ZNF331: variants seen among roughly 807,000 people sequenced by gnomAD.
ZNF331 encodes C2H2-like zinc finger protein rearranged in thyroid adenomas.
A neutral mutation model predicts 7.0 loss-of-function variants in ZNF331; 2 were observed. That is an observed-to-expected ratio of 0.29 (90% confidence interval 0.12 to 0.90). The LOEUF is 0.90. Among genes scored for constraint, ZNF331 ranks in the 40% least tolerant of loss-of-function variants. ZNF331 has a pLI of 0.58. For missense variants in ZNF331, 432 were observed against 587.7 expected (o/e 0.74, Z 2.74); for synonymous variants, 196 against 205.4 (o/e 0.95, Z 0.39).
At chr19:53,566,838 T>G (rs1415555702) in intron 3 of ZNF331, among the ~76,000 whole-genome samples, 1 of 151,970 alleles carries the variant, frequency 6.6e-6, no homozygotes, top group Non-Finnish European at 1.5e-5. Flanking sequence ...TTTCTGTTTC[T>G]CTGTTTTTAT....
intron 2 of ZNF331, among the ~76,000 whole-genome samples, chr19:53,551,059 C>T (rs2088974774): frequency 6.6e-6 from 1 of 150,536 alleles, no homozygotes; most frequent in South Asian, 2.1e-4. Flanking sequence ...TGTCGAACTC[C>T]TGACTTCGTG....
chr19:53,510,205 A>G, the ZNF331 span, among the ~76,000 whole-genome samples: 3 of 152,178 alleles, frequency 2.0e-5, no homozygotes, highest in East Asian at 1.9e-4. Context: ...AACACTTACA[A>G]TAGTCACTTG....
Position 53,573,695 on chromosome 19 carries a change from C to G in ZNF331, c.136+1965C>G, listed in dbSNP as rs1321179781. ...TGTTGTCCAAGCTGATCTTGAACTC[C>G]TGGGCTAAAGGAATCCACCCACCTC... On this transcript the variant is annotated intron_variant, in intron 5 of 5. Transcript: ENST00000449416. This position sits in a 1 kb window ranked among gnomAD's most constrained non-coding sequence, Gnocchi z 4.2. 6.6e-6 allele frequency among the ~76,000 whole-genome samples: 1 copy of G among 152,078 alleles called. No individual in the cohort carries two copies. Among genetic ancestry groups the G allele is most frequent in the East Asian group, 1.9e-4 (1 of 5,184 alleles).
chr19:53,535,537 C>G (rs1459688890), upstream of ZNF331, among the ~76,000 whole-genome samples: 3 of 152,164 alleles, frequency 2.0e-5, no homozygotes, highest in African/African-American at 7.2e-5. Context: ...GGCAAAAACT[C>G]TCCAAATCAT....
intron 3 of ZNF331, among the ~76,000 whole-genome samples, chr19:53,559,093 TATAG>T (rs771124083): frequency 7.0e-6 from 1 of 142,390 alleles, no homozygotes. Flanking sequence ...CACACCTACA[TATAG>T]AGACACATAT....
At chr19:53,544,320 C>T (rs375541465) in intron 2 of ZNF331, among the ~76,000 whole-genome samples, 41 of 151,044 alleles carry the variant, frequency 2.7e-4, no homozygotes, top group East Asian at 9.9e-4. Context: ...CCAAGGTGGG[C>T]GGATCACGAG....
At chr19:53,542,335 A>G (rs2088234377) in intron 2 of ZNF331, among the ~76,000 whole-genome samples, 1 of 152,242 alleles carries the variant, frequency 6.6e-6, no homozygotes, top group Non-Finnish European at 1.5e-5. Flanking sequence ...GCCTTTTAGA[A>G]TTAGATTATA....
At chr19:53,542,926 C>T (rs774166305) in intron 2 of ZNF331, among the ~76,000 whole-genome samples, 3 of 152,168 alleles carry the variant, frequency 2.0e-5, no homozygotes, top group East Asian at 1.9e-4. Context: ...TCTCCTGCTT[C>T]AGCCTCTTAA....
At chr19:53,552,022 C>G (rs779224873) in intron 2 of ZNF331, among the ~76,000 whole-genome samples, 2 of 152,080 alleles carry the variant, frequency 1.3e-5, no homozygotes, top group Non-Finnish European at 2.9e-5. Context: ...TACAAATCTG[C>G]TTGTACAAGT....
intron 2 of ZNF331, among the ~76,000 whole-genome samples, chr19:53,542,402 C>G: frequency 6.6e-6 from 1 of 152,338 alleles, no homozygotes; most frequent in South Asian, 2.1e-4. Context: ...ACACTAATCA[C>G]TGGGTGCCTT....
intron 2 of ZNF331, chr19:53,522,742 C>A (rs1346658668): frequency 1.3e-5 from 2 of 152,210 alleles, no homozygotes; most frequent in African/African-American, 2.4e-5. Context: ...AGACTATTTA[C>A]TTTCCTTGGG....
At chr19:53,554,126 T>G (rs1014986089) in intron 2 of ZNF331, among the ~76,000 whole-genome samples, 1 of 152,074 alleles carries the variant, frequency 6.6e-6, no homozygotes, top group Non-Finnish European at 1.5e-5. Flanking sequence ...TGGGCCTGAG[T>G]AGGGCATTCG....
chr19:53,561,134 G>A (rs1368548175), intron 3 of ZNF331, among the ~76,000 whole-genome samples: 3 of 151,990 alleles, frequency 2.0e-5, no homozygotes, highest in East Asian at 3.9e-4. Context: ...CTCCAGTGGC[G>A]ACAGAGTGAG....
At chr19:53,522,603 T>G (rs1007499285) in intron 1 of ZNF331, 1 of 152,118 alleles carries the variant, frequency 6.6e-6, no homozygotes, top group African/African-American at 2.4e-5. Flanking sequence ...ATCTTCCTTT[T>G]CCCCTCCGGC....
intron 2 of ZNF331, among the ~76,000 whole-genome samples, chr19:53,548,119 T>G (rs1011775933): frequency 6.6e-6 from 1 of 151,552 alleles, no homozygotes; most frequent in South Asian, 2.1e-4. Flanking sequence ...TTTCTTTTCT[T>G]TTTTTTTGAG....
upstream of ZNF331, chr19:53,538,118 AG>A (rs112227119): frequency 0.073 from 11,046 of 152,240 alleles, 533 homozygotes; most frequent in Non-Finnish European, 0.11. Context: ...GCTGGCCTCC[AG>A]GGGGTGGCGG....
At position 53,562,017 on chromosome 19, in the gene ZNF331, G is replaced by A. The variant is rs150662877; in HGVS notation, c.-74+6109G>A. 4.7e-3 allele frequency among the ~76,000 whole-genome samples: 717 copies of A among 152,072 alleles called. 6 individuals are homozygous for A. Among genetic ancestry groups the A allele is most frequent in the African/African-American group, 0.016 (682 of 41,482 alleles). ...ACAAAAATTAGGCAGGCGTGGTGGC[G>A]CGCGCCTGTAATCCCAGGTACTTGG... On this transcript the variant is annotated intron_variant, in intron 3 of 5. Coordinates refer to ENST00000449416, the MANE Select transcript of ZNF331 (RefSeq NM_001079906.2).
upstream of ZNF331, among the ~76,000 whole-genome samples, chr19:53,535,443 G>A (rs190815556): frequency 1.4e-3 from 213 of 152,272 alleles, no homozygotes; most frequent in African/African-American, 4.9e-3. Context: ...CACTTAGTAT[G>A]TATGTTTACT....
Position 53,563,092 on chromosome 19 carries a change from C to A in ZNF331, c.-73-6212C>A, listed in dbSNP as rs113973836. ...AAGCTGGCTGGATTCCACACCCCCC[C>A]ACCCCCCGTCCCCGAGAAGGAGTCT... On this transcript the variant is annotated intron_variant, in intron 3 of 5. Coordinates refer to ENST00000449416, the MANE Select transcript of ZNF331 (RefSeq NM_001079906.2). Among the ~76,000 whole-genome samples the A allele has an allele frequency of 2.8e-3, 410 of 146,766 alleles. 2 individuals carry two copies. The highest frequency in any genetic ancestry group is 9.8e-3 in the African/African-American group (387 of 39,308).
Sources: allele counts gnomAD v4.1 joint callset (sites outside exome capture counted in the v4.1 genomes callset), GRCh38; gene constraint gnomAD v4.1.1; non-coding constraint Gnocchi (gnomAD v3.1); transcripts MANE v1.5; gene names NCBI Gene and HGNC (gene_info 2026-07-23, HGNC 2026-07-21).